C12orf54: variants seen among roughly 807,000 people sequenced by gnomAD.
C12orf54 encodes uncharacterized protein C12orf54.
In C12orf54, 24 loss-of-function variants were observed where a neutral mutation model predicts 26.4. The ratio of observed to expected loss-of-function variants is 0.91; its 90% CI spans 0.66 to 1.28. The LOEUF is 1.28. C12orf54 is among the 50% of genes most tolerant of loss of function. The probability of loss-of-function intolerance (pLI) is 0.00; values close to 1 mark genes in which losing one functional copy is unlikely to be tolerated. For synonymous variants in C12orf54, 54 were observed against 47.0 expected (o/e 1.15, Z -0.61); for missense variants, 154 against 150.9 (o/e 1.02, Z -0.11).
chr12:48,420,081 G>GT, the C12orf54 span, among the ~76,000 whole-genome samples: 21,430 of 148,922 alleles, frequency 0.14, 2,037 homozygotes, highest in Non-Finnish European at 0.22. Context: ...TCCACAGTTG[G>GT]TTTTTTTTTT....
chr12:48,464,413 G>A, the C12orf54 span, among the ~76,000 whole-genome samples: 2 of 152,076 alleles, frequency 1.3e-5, no homozygotes. Context: ...ACTGCTCAAA[G>A]AAATCAGAGA....
chr12:48,471,158 T>C, the C12orf54 span, among the ~76,000 whole-genome samples: 1 of 152,144 alleles, frequency 6.6e-6, no homozygotes, highest in Non-Finnish European at 1.5e-5. Context: ...TTCTATTGTT[T>C]TGATTTTTAG....
chr12:48,424,685 C>T, the C12orf54 span, among the ~76,000 whole-genome samples: 4 of 152,024 alleles, frequency 2.6e-5, no homozygotes, highest in African/African-American at 9.7e-5. Flanking sequence ...CCATGTGGCC[C>T]AGCAATTTCA....
the C12orf54 span, among the ~76,000 whole-genome samples, chr12:48,439,967 G>T: frequency 6.6e-6 from 1 of 152,174 alleles, no homozygotes; most frequent in African/African-American, 2.4e-5. Flanking sequence ...GCTCATGCCT[G>T]TAATCCCAGC....
chr12:48,438,573 C>A, the C12orf54 span, among the ~76,000 whole-genome samples: 5 of 152,168 alleles, frequency 3.3e-5, no homozygotes, highest in Non-Finnish European at 7.3e-5. Context: ...ACCAATGTAA[C>A]AGAACAGAGC....
the C12orf54 span, among the ~76,000 whole-genome samples, chr12:48,449,314 C>T: frequency 6.6e-6 from 1 of 152,188 alleles, no homozygotes; most frequent in East Asian, 1.9e-4. Flanking sequence ...TTTTCCCCCA[C>T]AAAGGATGGC....
chr12:48,493,911 A>G (rs548759714), intron 7 of C12orf54, among the ~76,000 whole-genome samples: 1 of 137,528 alleles, frequency 7.3e-6, no homozygotes, highest in Non-Finnish European at 1.6e-5. Context: ...GGCTTTAAAG[A>G]TAAATAATGT....
At chr12:48,446,638 C>T in the C12orf54 span, among the ~76,000 whole-genome samples, 2 of 152,092 alleles carry the variant, frequency 1.3e-5, no homozygotes, top group Non-Finnish European at 1.5e-5. Flanking sequence ...CTGATTCCAC[C>T]GGGAATTCCC....
At chr12:48,423,524 A>C in the C12orf54 span, among the ~76,000 whole-genome samples, 1 of 152,060 alleles carries the variant, frequency 6.6e-6, no homozygotes, top group African/African-American at 2.4e-5. Flanking sequence ...TCATAGAAAT[A>C]AAAATTATCA....
the C12orf54 span, among the ~76,000 whole-genome samples, chr12:48,467,516 T>A: frequency 9.3e-4 from 142 of 152,250 alleles, no homozygotes; most frequent in Middle Eastern, 3.4e-3. Context: ...TTATTCTGAA[T>A]GAAAGAACCT....
chr12:48,487,953 T>C (rs1295343077), intron 4 of C12orf54: 5 of 703,982 alleles, frequency 7.1e-6, no homozygotes, highest in Non-Finnish European at 1.3e-5. Flanking sequence ...GAGATGTTGA[T>C]ACCTAAGAAG....
chr12:48,437,669 C>A, the C12orf54 span, among the ~76,000 whole-genome samples: 1 of 151,994 alleles, frequency 6.6e-6, no homozygotes, highest in Admixed American at 6.6e-5. Flanking sequence ...TTATCTCAAT[C>A]GATGCAGAAA....
intron 6 of C12orf54, among the ~76,000 whole-genome samples, chr12:48,491,356 T>C (rs1340023290): frequency 6.6e-6 from 1 of 152,228 alleles, no homozygotes; most frequent in East Asian, 1.9e-4. Context: ...ATCTGATTCA[T>C]GAGAGCTCTG....
the C12orf54 span, among the ~76,000 whole-genome samples, chr12:48,419,061 T>G: frequency 6.6e-6 from 1 of 152,202 alleles, no homozygotes; most frequent in Non-Finnish European, 1.5e-5. Flanking sequence ...GGGATGTTGG[T>G]TGAGATGATG....
the C12orf54 span, among the ~76,000 whole-genome samples, chr12:48,422,734 C>G: frequency 6.6e-6 from 1 of 152,106 alleles, no homozygotes; most frequent in Admixed American, 6.5e-5. Context: ...GTTGGAAAGA[C>G]AGTGAAAATA....
In C12orf54 at chr12:48,486,742, T is replaced by C. The variant is rs748280563; in HGVS notation, c.135+16T>C. The C allele has an allele frequency of 6.2e-7, 1 of 1,609,778 alleles. No homozygotes were observed. The highest frequency in any genetic ancestry group is 1.1e-5 in the South Asian group (1 of 90,874). On this transcript the variant is annotated intron_variant, in intron 4 of 8. Transcript: ENST00000548364. ...GTGGGACCAGGTGAGTACAGAGGAA[T>C]CATTTTTGACAGCATGGCATGAGGT... is the stretch of plus-strand genomic sequence containing the variant.
intron 7 of C12orf54, 97 bp from the exon 8 acceptor site, chr12:48,494,701 A>T: frequency 7.7e-7 from 1 of 1,304,410 alleles, no homozygotes; most frequent in Non-Finnish European, 1.1e-6. Flanking sequence ...GGGGGAGTGT[A>T]ATAATAGAAT....
At chr12:48,456,777 ACTAT>A in the C12orf54 span, among the ~76,000 whole-genome samples, 9,312 of 152,180 alleles carry the variant, frequency 0.061, 942 homozygotes, top group African/African-American at 0.21. Flanking sequence ...AAAAAACTGA[ACTAT>A]CTGTTAATTA....
At chr12:48,471,887 T>C in the C12orf54 span, among the ~76,000 whole-genome samples, 3 of 151,798 alleles carry the variant, frequency 2.0e-5, no homozygotes, top group African/African-American at 7.3e-5. Flanking sequence ...ATGGATGACA[T>C]TGGTAATTTG....
Sources: gnomAD v4.1 joint callset for allele counts (sites outside exome capture counted in the v4.1 genomes callset) on GRCh38, gnomAD v4.1.1 for gene constraint, MANE v1.5 for transcripts, NCBI Gene and HGNC (gene_info 2026-07-23, HGNC 2026-07-21) for gene names.